Variants in DAPK1 observed in about 807,000 individuals in gnomAD.
The protein encoded by DAPK1 is death-associated protein kinase 1.
A neutral mutation model predicts 144.9 loss-of-function variants in DAPK1; 56 were observed. The ratio of observed to expected loss-of-function variants is 0.39; its 90% confidence interval spans 0.31 to 0.48. The LOEUF is 0.48. Ranked by LOEUF, DAPK1 falls within the 20% of genes least tolerant of loss-of-function variation. The pLI is 0.95. For synonymous variants in DAPK1, 690 were observed against 749.0 expected, an observed-to-expected ratio of 0.92 and a Z score of 1.29; for missense variants, 1,454 against 1,875.4, an observed-to-expected ratio of 0.78 and a Z score of 4.15.
At chr9:87,570,669 G>C (rs1021199388) in intron 2 of DAPK1, among the ~76,000 whole-genome samples, 8 of 152,194 alleles carry the variant, frequency 5.3e-5, no homozygotes, top group African/African-American at 1.9e-4. Flanking sequence ...GCACTTCTTA[G>C]GGAATTCTTT....
At chr9:87,571,473 A>ACACCCCCC (rs377253457) in intron 2 of DAPK1, among the ~76,000 whole-genome samples, 4 of 57,648 alleles carry the variant, frequency 6.9e-5, no homozygotes, top group Admixed American at 2.0e-4. Flanking sequence ...ACACACACAC[A>ACACCCCCC]CCAACACACA....
chr9:87,613,720 T>C (rs1310376570), intron 3 of DAPK1, among the ~76,000 whole-genome samples: 1 of 152,156 alleles, frequency 6.6e-6, no homozygotes, highest in African/African-American at 2.4e-5. Context: ...AATGTGGTGG[T>C]CGGGACTTAG....
At chr9:87,662,559 A>AGTTTTTTT (rs1830887681) in intron 18 of DAPK1, among the ~76,000 whole-genome samples, 2 of 25,560 alleles carry the variant, frequency 7.8e-5, no homozygotes, top group East Asian at 1.9e-3. Context: ...ATATATTCCT[A>AGTTTTTTT]GTTTTTTTTT....
chr9:87,707,031 C>A lies in DAPK1; in HGVS notation c.3960C>A (p.Pro1320=), dbSNP rs754539714. Residue 1320 remains proline (P), a synonymous_variant, in exon 26 of 26, where the codon CCC becomes CCA. Coordinates refer to ENST00000408954, the MANE Select transcript of DAPK1 (RefSeq NM_004938.4). This position sits in a 1 kb window ranked among gnomAD's most constrained non-coding sequence, Gnocchi z 4.0. ...RRKLSRLLDP[P]DPLGKDWCLL... is the part of the protein sequence containing the mutation. The stretch of plus-strand genomic sequence containing the variant: ...AACTGAGTCGCCTGCTGGACCCGCC[C>A]GACCCCCTGGGGAAGGACTGGTGCC... 1 of 1,613,700 alleles carries A rather than the reference C, an allele frequency of 6.2e-7. No individual in the cohort carries two copies.
intron 6 of DAPK1, 30 bp from the exon 7 acceptor site, chr9:87,639,759 G>T: frequency 6.2e-7 from 1 of 1,612,830 alleles, no homozygotes; most frequent in Non-Finnish European, 8.5e-7. Flanking sequence ...CTTCTGACAT[G>T]TTTTTTTGTT....
chr9:87,580,882 G>A (rs949318417), intron 2 of DAPK1, among the ~76,000 whole-genome samples: 3 of 152,106 alleles, frequency 2.0e-5, no homozygotes, highest in Non-Finnish European at 2.9e-5. Context: ...CAGCATGTGG[G>A]GACACTTAAT....
intron 18 of DAPK1, among the ~76,000 whole-genome samples, chr9:87,665,414 A>G (rs1394986450): frequency 6.6e-6 from 1 of 152,224 alleles, no homozygotes; most frequent in Admixed American, 6.5e-5. Context: ...ATGAGCCCTT[A>G]TAATTCTGTA....
intron 3 of DAPK1, among the ~76,000 whole-genome samples, chr9:87,627,037 C>T (rs1829515970): frequency 6.6e-6 from 1 of 152,070 alleles, no homozygotes; most frequent in African/African-American, 2.4e-5. Flanking sequence ...TTCTAAAGGT[C>T]AGTGTATTTT....
intron 3 of DAPK1, among the ~76,000 whole-genome samples, chr9:87,607,626 C>T (rs1378741373): frequency 6.6e-6 from 1 of 152,038 alleles, no homozygotes; most frequent in Non-Finnish European, 1.5e-5. Context: ...ATTTATAATA[C>T]AGCAAATATA....
At chr9:87,649,277 C>T (rs1830365355) in intron 15 of DAPK1, among the ~76,000 whole-genome samples, 1 of 152,146 alleles carries the variant, frequency 6.6e-6, no homozygotes, top group Admixed American at 6.5e-5. Flanking sequence ...TTGTAACCAC[C>T]GCCGCACTAG....
At chr9:87,524,291 C>T (rs1825406610) in intron 2 of DAPK1, among the ~76,000 whole-genome samples, 1 of 152,222 alleles carries the variant, frequency 6.6e-6, no homozygotes, top group Admixed American at 6.5e-5. Context: ...CATCTCTCCT[C>T]CCACAGCTGG....
At chr9:87,503,799 G>A (rs1374506484) in intron 2 of DAPK1, among the ~76,000 whole-genome samples, 1 of 152,204 alleles carries the variant, frequency 6.6e-6, no homozygotes, top group African/African-American at 2.4e-5. Context: ...ACAGTAATGA[G>A]CACAGCAGCC....
chr9:87,510,175 T>C (rs904666277), intron 2 of DAPK1, among the ~76,000 whole-genome samples: 8 of 152,192 alleles, frequency 5.3e-5, no homozygotes, highest in Non-Finnish European at 8.8e-5. Flanking sequence ...CTTCGTTGGC[T>C]GGAAGAGATA....
intron 24 of DAPK1, among the ~76,000 whole-genome samples, chr9:87,700,768 T>G (rs1215429563): frequency 6.6e-6 from 1 of 152,122 alleles, no homozygotes; most frequent in Non-Finnish European, 1.5e-5. Context: ...CCCAAAGTGC[T>G]GAGATTACAG....
chr9:87,549,665 C>G (rs1198806463), intron 2 of DAPK1, among the ~76,000 whole-genome samples: 1 of 152,104 alleles, frequency 6.6e-6, no homozygotes, highest in East Asian at 1.9e-4. Flanking sequence ...AAATAATGTC[C>G]CCTCGCCCCT....
intron 4 of DAPK1, 29 bp from the exon 5 acceptor site, chr9:87,639,325 T>G: frequency 6.4e-7 from 1 of 1,574,178 alleles, no homozygotes; most frequent in East Asian, 2.2e-5. Context: ...ATATCATAGC[T>G]TTTTATTTAT....
In DAPK1 at chr9:87,706,680, G is replaced by A. The variant is rs1020308423; in HGVS notation, c.3609G>A (p.Thr1203=). ...AGGTCCAGGTCCGCGGCCTGGAGAC[G>A]GAGAAGATCAAGTGCTGCCTGCTGC... is the stretch of plus-strand genomic sequence containing the variant. The part of the protein sequence containing the change: ...GIEVQVRGLE[T]EKIKCCLLLD... Residue 1203 remains threonine (T), a synonymous_variant, in exon 26 of 26, where the codon ACG becomes ACA. Transcript: ENST00000408954. This position sits in a 1 kb window ranked among gnomAD's most constrained non-coding sequence, Gnocchi z 9.0. 50 of 1,611,732 alleles carry A rather than the reference G, an allele frequency of 3.1e-5. No homozygotes were observed. The highest frequency in any genetic ancestry group is 1.1e-4 in the East Asian group (5 of 44,870).
chr9:87,600,466 T>C (rs1345904945), intron 2 of DAPK1, among the ~76,000 whole-genome samples: 1 of 152,030 alleles, frequency 6.6e-6, no homozygotes, highest in Non-Finnish European at 1.5e-5. Context: ...GGTGATATGC[T>C]CCTGTAGTTC....
At chr9:87,508,086 C>T (rs569101140) in intron 2 of DAPK1, among the ~76,000 whole-genome samples, 2 of 152,206 alleles carry the variant, frequency 1.3e-5, no homozygotes, top group Non-Finnish European at 1.5e-5. Flanking sequence ...GCTCTTGGCT[C>T]GCTGCAACCT....
Sources: gnomAD v4.1 joint callset for allele counts (sites outside exome capture counted in the v4.1 genomes callset) on GRCh38, gnomAD v4.1.1 for gene constraint, Gnocchi (gnomAD v3.1) non-coding constraint, MANE v1.5 for transcripts, NCBI Gene and HGNC (gene_info 2026-07-23, HGNC 2026-07-21) for gene names.